The following PLCE1 variants were observed in gnomAD, a reference collection of about 807,000 sequenced individuals.
PLCE1 encodes 1-phosphatidylinositol 4,5-bisphosphate phosphodiesterase epsilon-1.
PLCE1 carries 119 observed loss-of-function variants against 242.8 expected under a neutral mutation model. That is an observed-to-expected ratio of 0.49 (90% CI 0.42 to 0.57). The LOEUF is 0.57. PLCE1 is among the 20% of genes least tolerant of loss of function. The probability of loss-of-function intolerance (pLI) is 0.00; values close to 1 mark genes in which losing one functional copy is unlikely to be tolerated. For missense variants in PLCE1, 2,441 were observed against 2,788.8 expected, an observed-to-expected ratio of 0.88 and a Z score of 2.81; for synonymous variants, 945 against 1,017.4, an observed-to-expected ratio of 0.93 and a Z score of 1.35.
At chr10:94,060,378 A>G (rs1284620640) in intron 2 of PLCE1, among the ~76,000 whole-genome samples, 1 of 152,188 alleles carries the variant, frequency 6.6e-6, no homozygotes, top group East Asian at 1.9e-4. Flanking sequence ...TGTGAGGCCT[A>G]CAACTGATAG....
Position 94,270,615 on chromosome 10 carries a change from CA to C in PLCE1, c.4506+18del. The C allele has an allele frequency of 6.9e-7, 1 of 1,455,644 alleles. No individual in the cohort carries two copies. The highest frequency in any genetic ancestry group is 9.7e-7 in the Non-Finnish European group (1 of 1,035,340). The allele number at this position is 1,455,644 out of a possible 1,614,324, so 90.2% of individuals were successfully genotyped here. A position where few individuals can be genotyped will look rare whatever the true frequency, so the allele number is the denominator to read the frequency against. On this transcript the variant is annotated intron_variant, in intron 18 of 32. Coordinates refer to ENST00000371380, the MANE Select transcript of PLCE1 (RefSeq NM_016341.4). The stretch of plus-strand genomic sequence containing the variant: ...AGAAATTTTCAAGGTGAGCTCTCAA[CA>C]AAAAGGCAGGATGGTATGTTGGCCC...
At chr10:94,316,828 C>T in intron 29 of PLCE1, 72 bp downstream of exon 29, 2 of 1,116,204 alleles carry the variant, frequency 1.8e-6, no homozygotes, top group East Asian at 4.7e-5. Flanking sequence ...CTCACAACCT[C>T]CCTGAAATTC....
intron 3 of PLCE1, among the ~76,000 whole-genome samples, chr10:94,165,796 C>T (rs754591117): frequency 5.9e-5 from 9 of 152,022 alleles, no homozygotes; most frequent in Non-Finnish European, 1.0e-4. Flanking sequence ...CAACCTCCGC[C>T]TCCTGGGTTC....
intron 4 of PLCE1, among the ~76,000 whole-genome samples, chr10:94,201,130 C>G (rs79099064): frequency 0.023 from 3,431 of 152,222 alleles, 106 homozygotes; most frequent in African/African-American, 0.072. Context: ...ACAAATGTAT[C>G]ATGCTAACCT....
intron 4 of PLCE1, among the ~76,000 whole-genome samples, chr10:94,181,807 A>G (rs1008681812): frequency 1.3e-5 from 2 of 152,130 alleles, no homozygotes; most frequent in Admixed American, 6.5e-5. Flanking sequence ...AGTTCCAGCT[A>G]CTGGGGAGGC....
chr10:94,009,305 C>A (rs2061118699), intron 1 of PLCE1, among the ~76,000 whole-genome samples: 1 of 152,056 alleles, frequency 6.6e-6, no homozygotes, highest in African/African-American at 2.4e-5. Context: ...GGAGTGAGAA[C>A]TCACTCATCA....
At chr10:94,256,921 A>G (rs2051121956) in intron 11 of PLCE1, among the ~76,000 whole-genome samples, 1 of 152,172 alleles carries the variant, frequency 6.6e-6, no homozygotes, top group Admixed American at 6.5e-5. Context: ...GTTTCCTAGA[A>G]TCAAAGGGAG....
At chr10:94,293,944 T>C (rs950338701) in intron 23 of PLCE1, among the ~76,000 whole-genome samples, 3 of 151,816 alleles carry the variant, frequency 2.0e-5, no homozygotes, top group Admixed American at 6.6e-5. Context: ...CCATCTCTAT[T>C]AAAAATACAA....
chr10:94,116,184 C>A (rs1220939788), intron 2 of PLCE1, among the ~76,000 whole-genome samples: 1 of 152,158 alleles, frequency 6.6e-6, no homozygotes, highest in Non-Finnish European at 1.5e-5. Context: ...CCTCCCCTGC[C>A]ACAAATACCC....
intron 4 of PLCE1, among the ~76,000 whole-genome samples, chr10:94,204,767 GA>G (rs1388151684): frequency 8.8e-6 from 1 of 113,390 alleles, no homozygotes; most frequent in Non-Finnish European, 2.0e-5. Flanking sequence ...AGGAAGGAAG[GA>G]AGGAAGGAAG....
Position 94,293,502 on chromosome 10 carries a change from G to A in PLCE1, c.5036-6G>A, listed in dbSNP as rs1294761857. The A allele has an allele frequency of 6.2e-7, 1 of 1,613,042 alleles. No homozygotes were observed. The highest frequency in any genetic ancestry group is 8.5e-7 in the Non-Finnish European group (1 of 1,179,370). On this transcript the variant is annotated splice_polypyrimidine_tract_variant and splice_region_variant and intron_variant, in intron 22 of 32. Coordinates refer to ENST00000371380, the MANE Select transcript of PLCE1 (RefSeq NM_016341.4). The stretch of plus-strand genomic sequence containing the variant: ...TGGCTTATTTATTTTCATTTTATGG[G>A]AACAGGACTGTCAACTCTAAATGCA...
chr10:94,087,286 G>T (rs1472198418), intron 2 of PLCE1, among the ~76,000 whole-genome samples: 1 of 149,052 alleles, frequency 6.7e-6, no homozygotes, highest in Non-Finnish European at 1.5e-5. Flanking sequence ...GGAGATCGAG[G>T]CTGCAGTGAG....
At chr10:94,244,864 C>A (rs113225094) in intron 7 of PLCE1, among the ~76,000 whole-genome samples, 7 of 152,062 alleles carry the variant, frequency 4.6e-5, no homozygotes, top group Non-Finnish European at 2.9e-5. Flanking sequence ...CCATACTCAG[C>A]TAATGTTTGT....
chr10:94,076,691 C>T (rs1452840143), intron 2 of PLCE1, among the ~76,000 whole-genome samples: 4 of 151,632 alleles, frequency 2.6e-5, no homozygotes, highest in African/African-American at 9.8e-5. Context: ...GACTGGAATA[C>T]TTCCAGTCTG....
At chr10:93,999,695 C>G (rs1391600006) in intron 1 of PLCE1, among the ~76,000 whole-genome samples, 1 of 152,226 alleles carries the variant, frequency 6.6e-6, no homozygotes, top group Non-Finnish European at 1.5e-5. Context: ...CACCTCTGTT[C>G]CTGCAGCCGC....
chr10:94,279,676 T>G (rs763285325), intron 19 of PLCE1, 106 bp from the exon 20 acceptor site: 75 of 1,299,052 alleles, frequency 5.8e-5, no homozygotes, highest in Non-Finnish European at 8.1e-5. Flanking sequence ...TCAAAATAGG[T>G]TAAGCCACTT....
chr10:94,281,086 A>C (rs2052196091), intron 20 of PLCE1, among the ~76,000 whole-genome samples: 1 of 152,234 alleles, frequency 6.6e-6, no homozygotes. Context: ...GAGTCAAGAC[A>C]ATTTCTCTGC....
intron 24 of PLCE1, among the ~76,000 whole-genome samples, chr10:94,301,821 G>A (rs2053049103): frequency 6.6e-6 from 1 of 152,122 alleles, no homozygotes; most frequent in Admixed American, 6.5e-5. Context: ...CTCACACCCA[G>A]ACTTACAATG....
At chr10:94,147,368 G>A (rs1220557675) in intron 3 of PLCE1, among the ~76,000 whole-genome samples, 2 of 152,092 alleles carry the variant, frequency 1.3e-5, no homozygotes, top group African/African-American at 4.8e-5. Context: ...GTTGCAGTGA[G>A]CCAAGATGGC....
Sources: gnomAD v4.1 joint callset for allele counts (sites outside exome capture counted in the v4.1 genomes callset) on GRCh38, gnomAD v4.1.1 for gene constraint, MANE v1.5 for transcripts, NCBI Gene and HGNC (gene_info 2026-07-23, HGNC 2026-07-21) for gene names.